CDK19: variants seen among roughly 807,000 people sequenced by gnomAD.
CDK19 encodes cyclin dependent kinase 19.
CDK19 carries 20 observed loss-of-function variants against 68.3 expected under a neutral mutation model. The observed-to-expected ratio is 0.29, with a 90% CI of 0.21 to 0.43. CDK19 has a LOEUF of 0.43. CDK19 is among the 20% of genes least tolerant of loss of function. CDK19 has a pLI of 1.00. For missense variants in CDK19, 339 were observed against 623.5 expected (o/e 0.54, Z 4.86); for synonymous variants, 221 against 222.8 (o/e 0.99, Z 0.07).
intron 1 of CDK19, 65 bp from the exon 2 acceptor site, chr6:110,746,266 A>G: frequency 1.1e-6 from 1 of 945,762 alleles, no homozygotes. Context: ...TTATAACTAC[A>G]AAAACAATGG....
chr6:110,646,757 G>T (rs1780617462), intron 4 of CDK19, among the ~76,000 whole-genome samples: 1 of 151,998 alleles, frequency 6.6e-6, no homozygotes, highest in Admixed American at 6.5e-5. Flanking sequence ...GTTCCACTGC[G>T]CACGGTTGAG....
chr6:110,752,228 A>C (rs1778519003), intron 1 of CDK19, among the ~76,000 whole-genome samples: 2 of 152,206 alleles, frequency 1.3e-5, no homozygotes, highest in Non-Finnish European at 2.9e-5. Context: ...TTCAAAAATA[A>C]ATAAATAAAT....
intron 4 of CDK19, among the ~76,000 whole-genome samples, chr6:110,640,272 T>C (rs1022253082): frequency 1.4e-4 from 21 of 147,082 alleles, no homozygotes; most frequent in Admixed American, 3.4e-4. Flanking sequence ...AAAGGGCTCA[T>C]GTTGAGGGTA....
At position 110,746,508 on chromosome 6, in the gene CDK19, T is replaced by C. The variant is rs187180187; in HGVS notation, c.129-307A>G. On this transcript the variant is annotated intron_variant, in intron 1 of 12. Transcript: ENST00000368911. Reference sequence around the variant, plus strand: ...AAGCATAAATATAAACTCAAACATATTGCAAGATAATTCCACTCCTGTCTT... The same window carrying C: ...AAGCATAAATATAAACTCAAACATACTGCAAGATAATTCCACTCCTGTCTT... Among the ~76,000 whole-genome samples, 63 of 152,218 alleles carry C rather than the reference T, an allele frequency of 4.1e-4. 1 individual carries two copies. Among genetic ancestry groups the C allele is most frequent in the Middle Eastern group, 3.4e-3 (1 of 294 alleles).
chr6:110,750,487 G>A (rs144486721), intron 1 of CDK19, among the ~76,000 whole-genome samples: 1 of 152,266 alleles, frequency 6.6e-6, no homozygotes, highest in East Asian at 1.9e-4. Flanking sequence ...GATTGAGAAG[G>A]AAGAGTCAAA....
chr6:110,708,544 T>G (rs978198751), intron 2 of CDK19, among the ~76,000 whole-genome samples: 1 of 152,206 alleles, frequency 6.6e-6, no homozygotes, highest in Non-Finnish European at 1.5e-5. Context: ...TTACTAGGTT[T>G]GTATGGAAGG....
chr6:110,786,040 T>C lies in CDK19; in HGVS notation c.128+28969A>G, dbSNP rs187796155. On this transcript the variant is annotated intron_variant, in intron 1 of 12. Transcript: ENST00000368911. ...ACATCATAATTTCTGCCTGACTTTT[T>C]TGCTTTTTCATTTCTCTAGCAATGT... 7.9e-5 allele frequency among the ~76,000 whole-genome samples: 12 copies of C among 152,324 alleles called. No homozygotes were observed. In the East Asian group the frequency reaches 2.1e-3, roughly 27 times the overall value.
chr6:110,751,244 T>C (rs1338219899), intron 1 of CDK19, among the ~76,000 whole-genome samples: 1 of 152,142 alleles, frequency 6.6e-6, no homozygotes, highest in Non-Finnish European at 1.5e-5. Flanking sequence ...AGGTGAGTGG[T>C]GGGCGAGCAA....
At chr6:110,690,771 T>C (rs956863568) in intron 2 of CDK19, among the ~76,000 whole-genome samples, 6 of 152,184 alleles carry the variant, frequency 3.9e-5, no homozygotes, top group Non-Finnish European at 7.3e-5. Flanking sequence ...AGAACTCATA[T>C]AGAGTCATCA....
At chr6:110,804,947 C>T (rs802663) in intron 1 of CDK19, among the ~76,000 whole-genome samples, 7,162 of 151,052 alleles carry the variant, frequency 0.047, 180 homozygotes, top group Middle Eastern at 0.078. Context: ...CAGAACAAGA[C>T]TTCGTCTCAA....
At chr6:110,660,605 GGA>G (rs1399100605) in intron 4 of CDK19, among the ~76,000 whole-genome samples, 1 of 149,718 alleles carries the variant, frequency 6.7e-6, no homozygotes, top group Non-Finnish European at 1.5e-5. Flanking sequence ...AGCAGGAAGG[GGA>G]GCTGAAAAGG....
At chr6:110,811,760 G>A (rs1279195267) in intron 1 of CDK19, among the ~76,000 whole-genome samples, 2 of 152,128 alleles carry the variant, frequency 1.3e-5, no homozygotes, top group East Asian at 3.9e-4. Context: ...GGCTGGGTGT[G>A]GTGGCATGAG....
At chr6:110,640,722 A>T (rs1402358496) in intron 4 of CDK19, among the ~76,000 whole-genome samples, 1 of 152,172 alleles carries the variant, frequency 6.6e-6, no homozygotes, top group Non-Finnish European at 1.5e-5. Context: ...AAGTCGAAGC[A>T]GGAGGATCGT....
At chr6:110,707,950 C>T (rs561845290) in intron 2 of CDK19, among the ~76,000 whole-genome samples, 7 of 152,094 alleles carry the variant, frequency 4.6e-5, no homozygotes, top group African/African-American at 1.2e-4. Context: ...CCAGCCTGGG[C>T]GACACGGTGA....
intron 2 of CDK19, among the ~76,000 whole-genome samples, chr6:110,707,944 C>T (rs1028137282): frequency 2.6e-5 from 4 of 152,136 alleles, no homozygotes; most frequent in African/African-American, 7.2e-5. Context: ...TGCACTCCAG[C>T]CTGGGCGACA....
At chr6:110,754,860 T>C (rs974229404) in intron 1 of CDK19, among the ~76,000 whole-genome samples, 13 of 152,122 alleles carry the variant, frequency 8.5e-5, no homozygotes, top group African/African-American at 2.7e-4. Context: ...CAACAGAAGG[T>C]AATATAATAA....
At chr6:110,814,637 C>G (rs1312447663) in intron 1 of CDK19, 1 of 483,058 alleles carries the variant, frequency 2.1e-6, no homozygotes, top group East Asian at 6.1e-5. Context: ...AGGGCCGGAG[C>G]GGCAACTCCG....
chr6:110,807,116 A>C (rs1236016366), intron 1 of CDK19, among the ~76,000 whole-genome samples: 1 of 151,840 alleles, frequency 6.6e-6, no homozygotes, highest in African/African-American at 2.4e-5. Flanking sequence ...ACTGAGAGAC[A>C]TAGCAAGACC....
intron 1 of CDK19, among the ~76,000 whole-genome samples, chr6:110,776,423 C>T (rs1780399824): frequency 7.0e-6 from 1 of 143,300 alleles, no homozygotes; most frequent in African/African-American, 2.6e-5. Context: ...GACTGAAACT[C>T]TGTCTCAAAA....
Sources: allele counts gnomAD v4.1 joint callset (sites outside exome capture counted in the v4.1 genomes callset), GRCh38; gene constraint gnomAD v4.1.1; transcripts MANE v1.5; gene names NCBI Gene and HGNC (gene_info 2026-07-23, HGNC 2026-07-21).